MDGA2: variants seen among roughly 807,000 people sequenced by gnomAD.
The protein encoded by MDGA2 is MAM domain-containing glycosylphosphatidylinositol anchor protein 2.
Under a neutral mutation model 117.8 loss-of-function variants are expected in MDGA2, and 40 were observed. The ratio of observed to expected loss-of-function variants is 0.34; its 90% CI spans 0.26 to 0.44. The LOEUF is 0.44. MDGA2 is among the 20% of genes least tolerant of loss of function. The pLI is 1.00. For missense variants in MDGA2, 1,123 were observed against 1,250.6 expected (o/e 0.90, Z 1.54); for synonymous variants, 452 against 439.0 (o/e 1.03, Z -0.37).
intron 3 of MDGA2, among the ~76,000 whole-genome samples, chr14:47,168,818 A>C (rs897998702): frequency 6.6e-6 from 1 of 152,094 alleles, no homozygotes; most frequent in Non-Finnish European, 1.5e-5. Context: ...GGCTAATGGA[A>C]GAAATTCTGC....
intron 2 of MDGA2, among the ~76,000 whole-genome samples, chr14:47,233,657 T>C (rs1300551070): frequency 6.6e-6 from 1 of 152,150 alleles, no homozygotes; most frequent in African/African-American, 2.4e-5. Flanking sequence ...AAAAAGATGT[T>C]ACTATAGAAA....
At position 47,561,143 on chromosome 14, in the gene MDGA2, T is replaced by TTG. The variant is rs1566515794; in HGVS notation, c.280+113373_280+113374insCA. On this transcript the variant is annotated intron_variant, in intron 1 of 16. Transcript: ENST00000399232. The stretch of plus-strand genomic sequence containing the variant: ...GCTAGCATGATACCTCTATCTTTGT[T>TTG]TTTTTTTTTGTTTTGTTTTGTTTTT... 3.9e-4 allele frequency among the ~76,000 whole-genome samples: 34 copies of TTG among 86,870 alleles called. 1 individual carries two copies. In the East Asian group the frequency reaches 0.016, roughly 40 times the overall value. The allele number at this position is 86,870 out of a possible 152,430, so 57.0% of individuals were successfully genotyped here.
At chr14:46,891,741 A>T (rs1177563301) in intron 10 of MDGA2, among the ~76,000 whole-genome samples, 1 of 151,582 alleles carries the variant, frequency 6.6e-6, no homozygotes, top group Non-Finnish European at 1.5e-5. Context: ...AAAATCCAGC[A>T]CATATATAAA....
At position 47,527,019 on chromosome 14, in the gene MDGA2, C is replaced by T. The variant is rs189564301; in HGVS notation, c.280+147498G>A. Among the ~76,000 whole-genome samples, 579 of 152,224 alleles carry T rather than the reference C, an allele frequency of 3.8e-3. 6 individuals carry two copies. Among genetic ancestry groups the T allele is most frequent in the Non-Finnish European group, 5.0e-3 (341 of 68,038 alleles). ...GTGAGCTTATCACAGTATCAGCATG[C>T]TCACTGAGTATTTACTAAGTCCCAA... is the stretch of plus-strand genomic sequence containing the variant. On this transcript the variant is annotated intron_variant, in intron 1 of 16. Coordinates refer to ENST00000399232, the MANE Select transcript of MDGA2 (RefSeq NM_001113498.3).
chr14:47,544,387 AT>A (rs1376819221), intron 1 of MDGA2, among the ~76,000 whole-genome samples: 3 of 152,260 alleles, frequency 2.0e-5, no homozygotes, highest in South Asian at 2.1e-4. Context: ...TAAATTGCAT[AT>A]TTTTTTAATT....
Position 47,548,235 on chromosome 14 carries a change from T to G in MDGA2, c.280+126282A>C, listed in dbSNP as rs370305124. On this transcript the variant is annotated intron_variant, in intron 1 of 16. Coordinates refer to ENST00000399232, the MANE Select transcript of MDGA2 (RefSeq NM_001113498.3). ...TTTAGTTTGGTGAACATATGTAAAA[T>G]AACTAACTTGAAGTCTTTCTCAATT... Among the ~76,000 whole-genome samples the G allele has an allele frequency of 2.0e-5, 3 of 152,342 alleles. No individual in the cohort carries two copies. In the East Asian group the frequency reaches 5.8e-4, roughly 29 times the overall value.
chr14:46,853,232 A>G (rs1881132186), intron 15 of MDGA2, among the ~76,000 whole-genome samples: 1 of 151,934 alleles, frequency 6.6e-6, no homozygotes, highest in South Asian at 2.1e-4. Flanking sequence ...CTATTGTTGA[A>G]TGTGAAGACA....
intron 3 of MDGA2, among the ~76,000 whole-genome samples, chr14:47,144,815 A>ATTTTTTTTTTTTT (rs60842690): frequency 5.5e-4 from 72 of 130,412 alleles, no homozygotes; most frequent in African/African-American, 1.3e-3. Context: ...TGCCCGGCTA[A>ATTTTTTTTTTTTT]TTTTTTTTTT....
intron 1 of MDGA2, among the ~76,000 whole-genome samples, chr14:47,480,792 T>A (rs1893938140): frequency 6.6e-6 from 1 of 151,972 alleles, no homozygotes; most frequent in Non-Finnish European, 1.5e-5. Flanking sequence ...TGAATCTCTA[T>A]GAAGAATGAG....
chr14:46,928,264 T>C (rs991534844), intron 9 of MDGA2, among the ~76,000 whole-genome samples: 1 of 152,142 alleles, frequency 6.6e-6, no homozygotes, highest in Non-Finnish European at 1.5e-5. Flanking sequence ...ATTCAGCCAA[T>C]ATATGAATTT....
chr14:47,170,167 G>C (rs1884061473), intron 3 of MDGA2, among the ~76,000 whole-genome samples: 1 of 152,008 alleles, frequency 6.6e-6, no homozygotes, highest in Admixed American at 6.6e-5. Flanking sequence ...CTTGCCTTTG[G>C]CTTCTAGTCT....
intron 1 of MDGA2, among the ~76,000 whole-genome samples, chr14:47,619,284 A>G (rs763792360): frequency 6.6e-6 from 1 of 152,210 alleles, no homozygotes; most frequent in African/African-American, 2.4e-5. Flanking sequence ...ATAATATTCC[A>G]AATATAAACC....
intron 1 of MDGA2, among the ~76,000 whole-genome samples, chr14:47,630,378 A>G (rs1241800790): frequency 1.3e-5 from 2 of 152,198 alleles, no homozygotes; most frequent in Non-Finnish European, 2.9e-5. Flanking sequence ...GTGTCTATGT[A>G]TGTGTATAAG....
chr14:47,058,151 T>C (rs2138767703), intron 7 of MDGA2, among the ~76,000 whole-genome samples: 2 of 152,088 alleles, frequency 1.3e-5, no homozygotes, highest in South Asian at 4.1e-4. Flanking sequence ...TAAAACACAG[T>C]AACACTCAAA....
chr14:47,024,178 A>AT (rs541125133), intron 8 of MDGA2, among the ~76,000 whole-genome samples: 6 of 151,966 alleles, frequency 3.9e-5, no homozygotes, highest in Non-Finnish European at 7.4e-5. Flanking sequence ...ATCTGCCTCT[A>AT]TATCTATGTA....
chr14:47,541,805 C>G (rs1382829109), intron 1 of MDGA2, among the ~76,000 whole-genome samples: 2 of 152,166 alleles, frequency 1.3e-5, no homozygotes, highest in African/African-American at 4.8e-5. Flanking sequence ...CAATCACTTC[C>G]CAATACTGTT....
intron 1 of MDGA2, among the ~76,000 whole-genome samples, chr14:47,558,791 G>A (rs995015856): frequency 3.3e-5 from 5 of 152,010 alleles, no homozygotes; most frequent in Admixed American, 1.3e-4. Flanking sequence ...AAAATCTTGG[G>A]GGTGTATTTA....
At chr14:47,366,494 A>C (rs1303561556) in intron 1 of MDGA2, among the ~76,000 whole-genome samples, 1 of 152,112 alleles carries the variant, frequency 6.6e-6, no homozygotes, top group African/African-American at 2.4e-5. Flanking sequence ...GAGCCAAAAT[A>C]AAAGCCAAAT....
intron 1 of MDGA2, among the ~76,000 whole-genome samples, chr14:47,450,231 A>G (rs1893212580): frequency 6.6e-6 from 1 of 152,068 alleles, no homozygotes; most frequent in South Asian, 2.1e-4. Context: ...AACAAATATT[A>G]GACCCTCAGT....
Sources: gnomAD v4.1 joint callset for allele counts (sites outside exome capture counted in the v4.1 genomes callset) on GRCh38, gnomAD v4.1.1 for gene constraint, MANE v1.5 for transcripts, NCBI Gene and HGNC (gene_info 2026-07-23, HGNC 2026-07-21) for gene names.